MRPS27: variants seen among roughly 807,000 people sequenced by gnomAD.
MRPS27 encodes the protein mitochondrial ribosomal protein S27, also known as small ribosomal subunit protein mS27.
MRPS27 carries 43 observed loss-of-function variants against 48.9 expected under a neutral mutation model. That is an observed-to-expected ratio of 0.88 (90% CI 0.69 to 1.13). The LOEUF is 1.13. Ranked by LOEUF, MRPS27 falls within the 50% of genes most tolerant of loss-of-function variation. MRPS27 has a pLI of 0.00. For synonymous variants in MRPS27, 188 were observed against 171.9 expected (o/e 1.09, Z -0.73); for missense variants, 467 against 476.3 (o/e 0.98, Z 0.18).
intron 4 of MRPS27, among the ~76,000 whole-genome samples, chr5:72,260,015 T>G (rs1303046402): frequency 6.6e-6 from 1 of 152,208 alleles, no homozygotes; most frequent in Non-Finnish European, 1.5e-5. Context: ...CCTTTCCTGC[T>G]TTTTCTATTG....
intron 4 of MRPS27, among the ~76,000 whole-genome samples, chr5:72,257,822 T>C (rs1444848494): frequency 3.9e-5 from 6 of 152,100 alleles, no homozygotes; most frequent in Non-Finnish European, 7.4e-5. Context: ...CGATGGCTCA[T>C]GCCTGTAATC....
At chr5:72,288,260 T>A (rs961008511) in intron 4 of MRPS27, among the ~76,000 whole-genome samples, 1 of 150,336 alleles carries the variant, frequency 6.7e-6, no homozygotes, top group African/African-American at 2.4e-5. Flanking sequence ...CAGGCTGGAG[T>A]GCAATGGCAT....
intron 2 of MRPS27, among the ~76,000 whole-genome samples, chr5:72,307,086 G>A (rs1750289757): frequency 6.6e-6 from 1 of 152,150 alleles, no homozygotes; most frequent in African/African-American, 2.4e-5. Flanking sequence ...AGGAGCGGTG[G>A]CTCACGCCTG....
chr5:72,249,407 C>T (rs114044791), intron 4 of MRPS27, among the ~76,000 whole-genome samples: 13,202 of 152,252 alleles, frequency 0.087, 797 homozygotes, highest in Non-Finnish European at 0.13. Flanking sequence ...TTTTCAGCCC[C>T]GCGTGGTGGC....
chr5:72,295,460 T>C, intron 4 of MRPS27, 71 bp downstream of exon 4: 3 of 1,152,152 alleles, frequency 2.6e-6, no homozygotes, highest in Non-Finnish European at 2.6e-6. Flanking sequence ...ATACACAACA[T>C]ATACCAACTT....
chr5:72,223,605 A>G (rs1747811176), intron 10 of MRPS27, 78 bp downstream of exon 10: 2 of 1,510,754 alleles, frequency 1.3e-6, no homozygotes, highest in Admixed American at 3.7e-5. Flanking sequence ...TTGATGCAGA[A>G]AGAATGCTTA....
At chr5:72,290,496 A>G (rs1417230877) in intron 4 of MRPS27, among the ~76,000 whole-genome samples, 2 of 152,160 alleles carry the variant, frequency 1.3e-5, no homozygotes, top group East Asian at 3.9e-4. Flanking sequence ...GCATTGCCCC[A>G]CTGCTCACAT....
At chr5:72,250,108 T>G (rs1331545676) in intron 4 of MRPS27, among the ~76,000 whole-genome samples, 1 of 152,264 alleles carries the variant, frequency 6.6e-6, no homozygotes, top group African/African-American at 2.4e-5. Context: ...TAACACTGAT[T>G]ATTTCATAAC....
At chr5:72,235,510 C>T (rs558682351) in intron 5 of MRPS27, among the ~76,000 whole-genome samples, 31 of 152,258 alleles carry the variant, frequency 2.0e-4, no homozygotes, top group African/African-American at 7.5e-4. Flanking sequence ...CTTTGGGTGA[C>T]AACGGTTTGT....
chr5:72,260,028 A>G (rs1024600735), intron 4 of MRPS27, among the ~76,000 whole-genome samples: 1 of 151,950 alleles, frequency 6.6e-6, no homozygotes, highest in African/African-American at 2.4e-5. Context: ...TTCTATTGCA[A>G]TGTTTTTATT....
intron 7 of MRPS27, among the ~76,000 whole-genome samples, chr5:72,230,281 C>T (rs1748019755): frequency 6.6e-6 from 1 of 152,162 alleles, no homozygotes; most frequent in South Asian, 2.1e-4. Flanking sequence ...CCATTTTATG[C>T]TTTGCCTCTT....
At chr5:72,290,712 T>C (rs964914430) in intron 4 of MRPS27, among the ~76,000 whole-genome samples, 3 of 152,198 alleles carry the variant, frequency 2.0e-5, no homozygotes, top group Non-Finnish European at 4.4e-5. Flanking sequence ...GGCGTGTGGA[T>C]AGGAAGTAGA....
Position 72,237,997 on chromosome 5 carries a change from T to A in MRPS27, c.396+17A>T. ...TAAACTCAGGAAAACAGGCTGCAGATCCACGGAACAACTCACCTTATTTAC... is the reference window on the plus strand; with the variant it reads ...TAAACTCAGGAAAACAGGCTGCAGAACCACGGAACAACTCACCTTATTTAC... On this transcript the variant is annotated intron_variant, in intron 5 of 10. Transcript: ENST00000261413. The A allele has an allele frequency of 6.4e-7, 1 of 1,566,862 alleles. No homozygotes were observed. The highest frequency in any genetic ancestry group is 8.8e-7 in the Non-Finnish European group (1 of 1,137,354).
At chr5:72,251,667 C>A (rs1335297684) in intron 4 of MRPS27, among the ~76,000 whole-genome samples, 1 of 152,138 alleles carries the variant, frequency 6.6e-6, no homozygotes, top group Non-Finnish European at 1.5e-5. Context: ...AGTGTGGATG[C>A]CTATGGAGGA....
At chr5:72,294,724 A>G (rs1247496457) in intron 4 of MRPS27, 7 of 152,142 alleles carry the variant, frequency 4.6e-5, no homozygotes, top group Non-Finnish European at 1.5e-5. Flanking sequence ...GTAATGTAGA[A>G]AAGGTTTTAA....
At chr5:72,291,918 G>A (rs937877533) in intron 4 of MRPS27, among the ~76,000 whole-genome samples, 4 of 152,142 alleles carry the variant, frequency 2.6e-5, no homozygotes, top group Admixed American at 6.5e-5. Context: ...CTCATAAAGA[G>A]GTTTACCATT....
chr5:72,308,718 G>A (rs1400294738), intron 2 of MRPS27, among the ~76,000 whole-genome samples: 2 of 152,238 alleles, frequency 1.3e-5, no homozygotes, highest in Non-Finnish European at 1.5e-5. Flanking sequence ...GTGTCGTCGA[G>A]TAAAACCGAA....
chr5:72,287,442 C>A (rs1234419545), intron 4 of MRPS27, among the ~76,000 whole-genome samples: 2 of 152,194 alleles, frequency 1.3e-5, no homozygotes, highest in Non-Finnish European at 2.9e-5. Context: ...GAGTTCAAGA[C>A]CGGCCTTGCC....
At chr5:72,229,234 G>A (rs905573633) in intron 7 of MRPS27, 1 of 152,200 alleles carries the variant, frequency 6.6e-6, no homozygotes, top group Non-Finnish European at 1.5e-5. Flanking sequence ...AGAGATTAGG[G>A]AGGAAGCAGA....
Sources: gnomAD v4.1 joint callset for allele counts (sites outside exome capture counted in the v4.1 genomes callset) on GRCh38, gnomAD v4.1.1 for gene constraint, MANE v1.5 for transcripts, NCBI Gene and HGNC (gene_info 2026-07-23, HGNC 2026-07-21) for gene names.